PTPRG: variants seen among roughly 807,000 people sequenced by gnomAD.
PTPRG encodes protein tyrosine phosphatase receptor type G.
In PTPRG, 102 loss-of-function variants were observed where a neutral mutation model predicts 165.3. That is an observed-to-expected ratio of 0.62 (90% CI 0.53 to 0.73). The LOEUF (loss-of-function observed/expected upper bound fraction) is 0.73. Among genes scored for constraint, PTPRG ranks in the 30% least tolerant of loss-of-function variants. The probability of loss-of-function intolerance (pLI) is 0.00; values close to 1 mark genes in which losing one functional copy is unlikely to be tolerated. For missense variants in PTPRG, 1,866 were observed against 1,861.4 expected (o/e 1.00, Z -0.05); for synonymous variants, 675 against 669.5 (o/e 1.01, Z -0.13).
chr3:61,981,199 A>G lies in PTPRG; in HGVS notation c.191-8426A>G, dbSNP rs1241514536. 6.0e-5 allele frequency among the ~76,000 whole-genome samples: 9 copies of G among 149,678 alleles called. 1 individual carries two copies. The highest frequency in any genetic ancestry group is 6.0e-4 in the Admixed American group (9 of 15,006). ...CAGATCTCGTGAGAACTCAGTCAGT[A>G]TCACTGCAACAGGATGGGGGAAACC... On this transcript the variant is annotated intron_variant, in intron 2 of 29. Coordinates refer to ENST00000474889, the MANE Select transcript of PTPRG (RefSeq NM_002841.4).
At chr3:61,568,104 T>A (rs772384623) in intron 1 of PTPRG, among the ~76,000 whole-genome samples, 13 of 152,198 alleles carry the variant, frequency 8.5e-5, no homozygotes, top group Non-Finnish European at 1.6e-4. Context: ...AAAAAAGAGT[T>A]ATCGGACTTG....
intron 2 of PTPRG, among the ~76,000 whole-genome samples, chr3:61,859,627 T>C (rs1247097846): frequency 6.7e-6 from 1 of 149,894 alleles, no homozygotes; most frequent in Non-Finnish European, 1.5e-5. Flanking sequence ...TTTTTTTTGG[T>C]CATTGTTGTT....
chr3:61,614,985 A>C (rs1357132750), intron 1 of PTPRG, among the ~76,000 whole-genome samples: 18 of 152,152 alleles, frequency 1.2e-4, no homozygotes, highest in Admixed American at 1.2e-3. Flanking sequence ...CAAACACACC[A>C]TGCGCTCCAC....
At chr3:61,899,513 G>T (rs146420694) in intron 2 of PTPRG, among the ~76,000 whole-genome samples, 62 of 152,266 alleles carry the variant, frequency 4.1e-4, no homozygotes, top group Admixed American at 7.2e-4. Context: ...AGGAGAGAGA[G>T]CTGTCGGTTT....
chr3:61,820,382 A>G (rs1483279541), intron 2 of PTPRG, among the ~76,000 whole-genome samples: 1 of 152,044 alleles, frequency 6.6e-6, no homozygotes, highest in African/African-American at 2.4e-5. Flanking sequence ...ATGGGTACCT[A>G]CCCACATTGA....
chr3:62,262,583 A>G (rs1701732594), intron 16 of PTPRG: 1 of 408,338 alleles, frequency 2.4e-6, no homozygotes, highest in Admixed American at 4.4e-5. Flanking sequence ...AAAAAAGTAG[A>G]TGATTGATGA....
chr3:61,637,890 C>T (rs1437600922), intron 1 of PTPRG, among the ~76,000 whole-genome samples: 3 of 151,568 alleles, frequency 2.0e-5, no homozygotes, highest in Non-Finnish European at 4.4e-5. Flanking sequence ...GCATAGCCAT[C>T]TTACCATTCA....
intron 2 of PTPRG, among the ~76,000 whole-genome samples, chr3:61,906,597 C>G (rs1274324461): frequency 6.6e-6 from 1 of 152,048 alleles, no homozygotes; most frequent in Non-Finnish European, 1.5e-5. Context: ...TAGGTAGACC[C>G]CATTTCTCCA....
At chr3:61,880,616 C>T (rs961145691) in intron 2 of PTPRG, among the ~76,000 whole-genome samples, 2 of 120,786 alleles carry the variant, frequency 1.7e-5, no homozygotes, top group Non-Finnish European at 3.2e-5. Flanking sequence ...AACGCGAACC[C>T]TGTCTCAAAA....
intron 6 of PTPRG, among the ~76,000 whole-genome samples, chr3:62,136,034 C>T (rs1703697359): frequency 6.6e-6 from 1 of 152,172 alleles, no homozygotes; most frequent in South Asian, 2.1e-4. Context: ...AAGCTCCTCA[C>T]AGCAGCTTGT....
At chr3:62,024,391 T>C (rs1167719479) in intron 4 of PTPRG, among the ~76,000 whole-genome samples, 1 of 129,382 alleles carries the variant, frequency 7.7e-6, no homozygotes, top group Non-Finnish European at 1.7e-5. Flanking sequence ...GTCACTATTT[T>C]GTGAGATTTT....
chr3:62,256,679 T>A (rs1294902290), intron 16 of PTPRG, among the ~76,000 whole-genome samples: 1 of 152,200 alleles, frequency 6.6e-6, no homozygotes, highest in Non-Finnish European at 1.5e-5. Context: ...GTTGATGGTA[T>A]TCAGGACAAA....
chr3:62,044,510 G>T (rs1181645200), intron 4 of PTPRG, among the ~76,000 whole-genome samples: 1 of 151,776 alleles, frequency 6.6e-6, no homozygotes. Context: ...CTGCACTCCA[G>T]CCTGGGTGAC....
chr3:62,094,956 A>G (rs1037044193), intron 5 of PTPRG, among the ~76,000 whole-genome samples: 1 of 152,256 alleles, frequency 6.6e-6, no homozygotes, highest in Non-Finnish European at 1.5e-5. Flanking sequence ...CGACTGTGCC[A>G]TGCAGAATGG....
At chr3:61,771,820 G>A (rs2034213656) in intron 2 of PTPRG, among the ~76,000 whole-genome samples, 1 of 151,992 alleles carries the variant, frequency 6.6e-6, no homozygotes, top group Admixed American at 6.6e-5. Context: ...CACCACTTTG[G>A]GAGGCTGAGG....
chr3:61,805,797 C>T (rs1294130042), intron 2 of PTPRG, among the ~76,000 whole-genome samples: 2 of 152,144 alleles, frequency 1.3e-5, no homozygotes, highest in African/African-American at 4.8e-5. Flanking sequence ...TCATTCTTAC[C>T]TAGAGCAAAA....
At chr3:61,582,469 C>G (rs531057718) in intron 1 of PTPRG, among the ~76,000 whole-genome samples, 2 of 152,186 alleles carry the variant, frequency 1.3e-5, no homozygotes, top group Non-Finnish European at 2.9e-5. Flanking sequence ...GGAATGGGGA[C>G]AGCATGAGAT....
At chr3:62,011,808 C>A (rs1052615643) in intron 4 of PTPRG, among the ~76,000 whole-genome samples, 11 of 152,202 alleles carry the variant, frequency 7.2e-5, no homozygotes, top group Admixed American at 7.2e-4. Context: ...CTTGGTAAAT[C>A]TCCATGATGT....
intron 2 of PTPRG, among the ~76,000 whole-genome samples, chr3:61,849,549 G>A (rs986157330): frequency 1.3e-5 from 2 of 152,186 alleles, no homozygotes; most frequent in African/African-American, 4.8e-5. Context: ...CTGAAGCCCA[G>A]GTGCTGCTAA....
Sources: gnomAD v4.1 joint callset for allele counts (sites outside exome capture counted in the v4.1 genomes callset) on GRCh38, gnomAD v4.1.1 for gene constraint, MANE v1.5 for transcripts, NCBI Gene and HGNC (gene_info 2026-07-23, HGNC 2026-07-21) for gene names.